PDE1C: variants seen among roughly 807,000 people sequenced by gnomAD.
PDE1C encodes the protein dual specificity calcium/calmodulin-dependent 3',5'-cyclic nucleotide phosphodiesterase 1C.
In PDE1C, 62 loss-of-function variants were observed where a neutral mutation model predicts 93.1. The observed-to-expected ratio is 0.67, with a 90% CI of 0.54 to 0.82. The LOEUF (loss-of-function observed/expected upper bound fraction) is 0.82. Ranked by LOEUF, PDE1C falls within the 40% of genes least tolerant of loss-of-function variation. PDE1C has a pLI of 0.00. For synonymous variants in PDE1C, 325 were observed against 310.1 expected (o/e 1.05, Z -0.50); for missense variants, 742 against 884.6 (o/e 0.84, Z 2.04).
At chr7:31,928,363 G>C (rs930696404) in intron 2 of PDE1C, among the ~76,000 whole-genome samples, 1 of 152,064 alleles carries the variant, frequency 6.6e-6, no homozygotes, top group Non-Finnish European at 1.5e-5. Context: ...CACACTTTAG[G>C]ATGTTATCCA....
At chr7:32,179,330 G>T (rs1308674416) in intron 2 of PDE1C, among the ~76,000 whole-genome samples, 1 of 146,950 alleles carries the variant, frequency 6.8e-6, no homozygotes, top group Non-Finnish European at 1.5e-5. Context: ...CGTGATCTCA[G>T]CTCACTGCAA....
At chr7:32,073,994 G>GCATA (rs949124936), upstream of PDE1C, among the ~76,000 whole-genome samples, 1 of 151,780 alleles carries the variant, frequency 6.6e-6, no homozygotes, top group Non-Finnish European at 1.5e-5. Context: ...ATATAGACAT[G>GCATA]CATACATACA....
intron 1 of PDE1C, among the ~76,000 whole-genome samples, chr7:32,237,763 C>A (rs200708449): frequency 9.6e-5 from 10 of 104,628 alleles, no homozygotes; most frequent in South Asian, 3.2e-4. Context: ...TATATATATA[C>A]TTTTTTTTTT....
chr7:32,344,338 A>G (rs1488823616), intron 1 of PDE1C, among the ~76,000 whole-genome samples: 1 of 152,098 alleles, frequency 6.6e-6, no homozygotes, highest in Non-Finnish European at 1.5e-5. Context: ...GGCCTCCCAA[A>G]GTGCTGGGAT....
intron 2 of PDE1C, among the ~76,000 whole-genome samples, chr7:32,042,370 C>T (rs1255843408): frequency 3.3e-5 from 5 of 152,164 alleles, no homozygotes; most frequent in Non-Finnish European, 5.9e-5. Context: ...ACTCAAGAAA[C>T]TTTCAGTGTC....
chr7:31,801,245 G>T (rs1785988189), intron 16 of PDE1C, among the ~76,000 whole-genome samples: 1 of 151,008 alleles, frequency 6.6e-6, no homozygotes. Context: ...GAAAAAGAGA[G>T]AAAACACAAA....
intron 2 of PDE1C, among the ~76,000 whole-genome samples, chr7:31,977,719 T>C (rs1413515680): frequency 6.6e-6 from 1 of 152,210 alleles, no homozygotes; most frequent in Non-Finnish European, 1.5e-5. Flanking sequence ...TGTGCTCCTT[T>C]AGAACAAGGA....
the PDE1C span, among the ~76,000 whole-genome samples, chr7:31,657,095 TA>T: frequency 5.1e-4 from 2 of 3,942 alleles, no homozygotes; most frequent in African/African-American, 2.0e-3. Context: ...TTATATATGA[TA>T]TATATAAAAT....
At chr7:31,616,855 TCTTAACAGATACCAGATAC>T in the PDE1C span, among the ~76,000 whole-genome samples, 3 of 151,488 alleles carry the variant, frequency 2.0e-5, no homozygotes, top group African/African-American at 7.3e-5. Context: ...TCCAAACCTC[TCTTAACAGATACCAGATAC>T]CCAAACCTCT....
At chr7:32,099,972 T>C (rs1797964101) in intron 3 of PDE1C, among the ~76,000 whole-genome samples, 1 of 152,184 alleles carries the variant, frequency 6.6e-6, no homozygotes, top group Non-Finnish European at 1.5e-5. Flanking sequence ...AAGCAGTTGT[T>C]GTACCTTCTA....
chr7:32,029,915 T>G (rs1198940941), intron 2 of PDE1C, among the ~76,000 whole-genome samples: 1 of 152,014 alleles, frequency 6.6e-6, no homozygotes, highest in African/African-American at 2.4e-5. Flanking sequence ...AGTAAAGAAC[T>G]CGAAACAACT....
chr7:31,874,095 C>A (rs371985689), intron 5 of PDE1C, among the ~76,000 whole-genome samples: 1 of 152,272 alleles, frequency 6.6e-6, no homozygotes, highest in African/African-American at 2.4e-5. Flanking sequence ...AAAAATGCTA[C>A]CATTTCTGGA....
intron 2 of PDE1C, among the ~76,000 whole-genome samples, chr7:32,000,868 C>T (rs1204806621): frequency 6.6e-6 from 1 of 152,168 alleles, no homozygotes; most frequent in Admixed American, 6.5e-5. Flanking sequence ...TTTGCTTTTA[C>T]AGAATATTTT....
At chr7:31,859,597 C>T (rs1794438232) in intron 7 of PDE1C, among the ~76,000 whole-genome samples, 1 of 151,846 alleles carries the variant, frequency 6.6e-6, no homozygotes, top group African/African-American at 2.4e-5. Flanking sequence ...TTACAAATAA[C>T]ATTTAAACAA....
intron 1 of PDE1C, among the ~76,000 whole-genome samples, chr7:32,326,692 T>A (rs1585110299): frequency 6.6e-6 from 1 of 151,922 alleles, no homozygotes; most frequent in Non-Finnish European, 1.5e-5. Flanking sequence ...TGAGAGAAAA[T>A]GGGGAGATTT....
At chr7:32,204,761 T>C (rs1446794048) in intron 2 of PDE1C, among the ~76,000 whole-genome samples, 1 of 152,184 alleles carries the variant, frequency 6.6e-6, no homozygotes, top group Admixed American at 6.5e-5. Context: ...ATGCTCACTT[T>C]CTCCAGGAGG....
At chr7:32,420,031 C>T (rs1282149526) in intron 1 of PDE1C, among the ~76,000 whole-genome samples, 1 of 138,472 alleles carries the variant, frequency 7.2e-6, no homozygotes, top group African/African-American at 2.8e-5. Context: ...TCAAGACCAG[C>T]CTGGCTAACA....
At chr7:32,069,932 A>T (rs1301649070) in intron 1 of PDE1C, among the ~76,000 whole-genome samples, 1 of 152,090 alleles carries the variant, frequency 6.6e-6, no homozygotes, top group Non-Finnish European at 1.5e-5. Flanking sequence ...TGCAGAGAAA[A>T]ATTCTTCCTT....
chr7:31,673,793 A>AT, the PDE1C span, among the ~76,000 whole-genome samples: 3 of 151,804 alleles, frequency 2.0e-5, no homozygotes, highest in Admixed American at 6.6e-5. Context: ...CTAGCAAGGG[A>AT]TTTTCCAGTA....
Sources: allele counts gnomAD v4.1 joint callset (sites outside exome capture counted in the v4.1 genomes callset), GRCh38; gene constraint gnomAD v4.1.1; transcripts MANE v1.5; gene names NCBI Gene and HGNC (gene_info 2026-07-23, HGNC 2026-07-21).